GRIK2: variants seen among roughly 807,000 people sequenced by gnomAD.
GRIK2 encodes glutamate ionotropic receptor kainate type subunit 2.
GRIK2 carries 32 observed loss-of-function variants against 100.3 expected under a neutral mutation model. The observed-to-expected ratio is 0.32, with a 90% CI of 0.24 to 0.43. The LOEUF is 0.43. GRIK2 is among the 20% of genes least tolerant of loss of function. The pLI is 1.00. For synonymous variants in GRIK2, 417 were observed against 389.4 expected (o/e 1.07, Z -0.83); for missense variants, 843 against 1,114.9 (o/e 0.76, Z 3.47).
intron 7 of GRIK2, among the ~76,000 whole-genome samples, chr6:101,767,822 ATGT>A (rs1778130103): frequency 6.6e-6 from 1 of 152,144 alleles, no homozygotes; most frequent in South Asian, 2.1e-4. Context: ...ATCCATCCTT[ATGT>A]CATAAATATA....
chr6:101,495,001 G>A (rs1375750416), intron 2 of GRIK2, among the ~76,000 whole-genome samples: 29 of 69,836 alleles, frequency 4.2e-4, no homozygotes, highest in African/African-American at 3.2e-4. Context: ...ATATATATAT[G>A]AAGGAAAATT....
chr6:102,010,301 A>T (rs186894616), intron 14 of GRIK2, among the ~76,000 whole-genome samples: 14 of 152,034 alleles, frequency 9.2e-5, no homozygotes, highest in Admixed American at 9.2e-4. Flanking sequence ...AATGCAAAAT[A>T]ATTTCACTGC....
rs543163902 is a variant in GRIK2 at position 101,686,438 on chromosome 6, A to G, written c.951+85A>G. Reference sequence around the variant, plus strand: ...AACTTCTGGGTTTATATGCATACATATAAACTTCAGTTTAATTGTTTGACA... The same window carrying G: ...AACTTCTGGGTTTATATGCATACATGTAAACTTCAGTTTAATTGTTTGACA... On this transcript the variant is annotated intron_variant, in intron 7 of 16. Coordinates refer to ENST00000369134, the MANE Select transcript of GRIK2 (RefSeq NM_021956.5). 4.9e-5 allele frequency: 45 copies of G among 916,390 alleles called. No individual in the cohort carries two copies. The East Asian group carries it at 1.1e-3, about 23-fold the overall frequency. The allele number at this position is 916,390 out of a possible 1,614,324, so 56.8% of individuals were successfully genotyped here. A position where few individuals can be genotyped will look rare whatever the true frequency, so the allele number is the denominator to read the frequency against.
chr6:101,670,867 A>G (rs1487876359), intron 4 of GRIK2, among the ~76,000 whole-genome samples: 2 of 152,212 alleles, frequency 1.3e-5, no homozygotes, highest in East Asian at 1.9e-4. Context: ...ATGTTAAACC[A>G]TAGATGATTT....
intron 4 of GRIK2, among the ~76,000 whole-genome samples, chr6:101,645,881 C>T (rs184622139): frequency 1.3e-3 from 196 of 151,992 alleles, no homozygotes; most frequent in Non-Finnish European, 2.2e-3. Flanking sequence ...TACTGACTAA[C>T]ACTACAGTTA....
At chr6:101,808,309 T>C (rs1265385614) in intron 9 of GRIK2, among the ~76,000 whole-genome samples, 1 of 152,076 alleles carries the variant, frequency 6.6e-6, no homozygotes, top group Non-Finnish European at 1.5e-5. Context: ...ATGAGCTACC[T>C]AGAAGCCATT....
intron 4 of GRIK2, among the ~76,000 whole-genome samples, chr6:101,635,816 A>C (rs185466769): frequency 1.1e-3 from 170 of 152,292 alleles, no homozygotes; most frequent in African/African-American, 3.5e-3. Context: ...ATCTCACACC[A>C]ATTAGAATAG....
At chr6:101,411,846 T>C (rs1344822962) in intron 2 of GRIK2, among the ~76,000 whole-genome samples, 1 of 152,150 alleles carries the variant, frequency 6.6e-6, no homozygotes, top group Non-Finnish European at 1.5e-5. Flanking sequence ...TGTTGTTTTA[T>C]AAATAATGTC....
Position 102,046,863 on chromosome 6 carries a change from G to C in GRIK2, c.2312-8467G>C, listed in dbSNP as rs142644904. Among the ~76,000 whole-genome samples, 398 of 152,158 alleles carry C rather than the reference G, an allele frequency of 2.6e-3. 1 individual carries two copies. Among genetic ancestry groups the C allele is most frequent in the African/African-American group, 9.1e-3 (376 of 41,522 alleles). On this transcript the variant is annotated intron_variant, in intron 15 of 16. Transcript: ENST00000369134. Reference sequence around the variant, plus strand: ...AAAGGTTGAAATTATGTATAGTATTGTTTCTGACCACAACAGTATGAAACT... The same window carrying C: ...AAAGGTTGAAATTATGTATAGTATTCTTTCTGACCACAACAGTATGAAACT...
At chr6:101,893,003 A>G (rs1464704166) in intron 12 of GRIK2, among the ~76,000 whole-genome samples, 6 of 151,366 alleles carry the variant, frequency 4.0e-5, no homozygotes, top group Non-Finnish European at 8.9e-5. Flanking sequence ...TTTTACTATA[A>G]AAGAAGTTTG....
rs1001999953 is a variant in GRIK2 at position 101,818,357 on chromosome 6, T to C, written c.1204-13T>C. On this transcript the variant is annotated splice_polypyrimidine_tract_variant and intron_variant, in intron 9 of 16. Transcript: ENST00000369134. Reference sequence around the variant, plus strand: ...TGATGGACAATTTACAAAGTACATATGCTATTTTATAGATTGGAACGTGGG... The same window carrying C: ...TGATGGACAATTTACAAAGTACATACGCTATTTTATAGATTGGAACGTGGG... 2 of 1,443,996 alleles carry C rather than the reference T, an allele frequency of 1.4e-6. No individual in the cohort carries two copies. Among genetic ancestry groups the C allele is most frequent in the Non-Finnish European group, 1.9e-6 (2 of 1,025,950 alleles). The allele number at this position is 1,443,996 out of a possible 1,614,324, so 89.4% of individuals were successfully genotyped here. A position where few individuals can be genotyped will look rare whatever the true frequency, so the allele number is the denominator to read the frequency against.
chr6:101,401,799 C>T (rs1325204769), intron 2 of GRIK2, among the ~76,000 whole-genome samples: 1 of 152,206 alleles, frequency 6.6e-6, no homozygotes, highest in Non-Finnish European at 1.5e-5. Context: ...GCCAGTGCCT[C>T]ATGCCCTGGA....
intron 2 of GRIK2, among the ~76,000 whole-genome samples, chr6:101,505,788 A>C (rs899972764): frequency 3.3e-5 from 5 of 151,744 alleles, no homozygotes; most frequent in East Asian, 1.9e-4. Context: ...AAAAAAAAAA[A>C]AAAACTAGAA....
intron 4 of GRIK2, among the ~76,000 whole-genome samples, chr6:101,668,040 A>AT (rs1258065266): frequency 6.6e-6 from 1 of 152,200 alleles, no homozygotes; most frequent in Non-Finnish European, 1.5e-5. Flanking sequence ...TTATATCATA[A>AT]TTTTAAAATA....
At chr6:102,038,466 G>T (rs1770391872) in intron 15 of GRIK2, among the ~76,000 whole-genome samples, 1 of 138,710 alleles carries the variant, frequency 7.2e-6, no homozygotes. Context: ...CTGGATAAGG[G>T]CAGAGATATT....
At chr6:101,469,242 G>A (rs374365057) in intron 2 of GRIK2, among the ~76,000 whole-genome samples, 45 of 152,056 alleles carry the variant, frequency 3.0e-4, no homozygotes, top group South Asian at 1.0e-3. Flanking sequence ...ATTTTCACAC[G>A]TAAGATACTA....
At chr6:101,736,647 G>T (rs1775654162) in intron 7 of GRIK2, among the ~76,000 whole-genome samples, 1 of 152,154 alleles carries the variant, frequency 6.6e-6, no homozygotes, top group African/African-American at 2.4e-5. Flanking sequence ...GGGACCCTGG[G>T]CCCGGCCCAC....
chr6:101,732,489 A>T (rs1775343281), intron 7 of GRIK2, among the ~76,000 whole-genome samples: 1 of 152,098 alleles, frequency 6.6e-6, no homozygotes, highest in African/African-American at 2.4e-5. Context: ...AGCAATATAT[A>T]TCTTTATTTC....
At chr6:101,407,618 A>G (rs1000987039) in intron 2 of GRIK2, among the ~76,000 whole-genome samples, 1 of 151,604 alleles carries the variant, frequency 6.6e-6, no homozygotes, top group Non-Finnish European at 1.5e-5. Flanking sequence ...CTTAATGTGT[A>G]GCTCTATCAG....
Sources: allele counts gnomAD v4.1 joint callset (sites outside exome capture counted in the v4.1 genomes callset), GRCh38; gene constraint gnomAD v4.1.1; transcripts MANE v1.5; gene names NCBI Gene and HGNC (gene_info 2026-07-23, HGNC 2026-07-21).